Variants in FGD6 observed in about 807,000 individuals in gnomAD.
FGD6 encodes FYVE, RhoGEF and PH domain-containing protein 6.
A neutral mutation model predicts 149.4 loss-of-function variants in FGD6; 90 were observed. The ratio of observed to expected loss-of-function variants is 0.60; its 90% CI spans 0.51 to 0.72. The LOEUF is 0.72. Among genes scored for constraint, FGD6 ranks in the 30% least tolerant of loss-of-function variants. The pLI is 0.00. For missense variants in FGD6, 1,437 were observed against 1,684.8 expected (o/e 0.85, Z 2.57); for synonymous variants, 527 against 584.0 (o/e 0.90, Z 1.41).
chr12:95,106,322 G>A (rs181459479), intron 13 of FGD6, among the ~76,000 whole-genome samples: 3 of 150,018 alleles, frequency 2.0e-5, no homozygotes, highest in African/African-American at 7.4e-5. Flanking sequence ...TCCAGCTGGA[G>A]TGTAGTCGCG....
chr12:95,134,600 C>T, intron 8 of FGD6, 139 bp downstream of exon 8: 1 of 738,340 alleles, frequency 1.4e-6, no homozygotes, highest in South Asian at 1.5e-5. Context: ...AGTATATAAG[C>T]AATCTACAAA....
chr12:95,126,081 G>T, intron 8 of FGD6: 2 of 1,169,970 alleles, frequency 1.7e-6, no homozygotes, highest in South Asian at 2.4e-5. Flanking sequence ...GACAGATTCT[G>T]ATCATTTTAA....
At position 95,077,499 on chromosome 12, in the gene FGD6, G is replaced by GA. The variant is rs917735214; in HGVS notation, c.*4020dup. 12 of 152,304 alleles carry GA rather than the reference G, an allele frequency of 7.9e-5. No individual in the cohort carries two copies. Among genetic ancestry groups the GA allele is most frequent in the Non-Finnish European group, 1.8e-4 (12 of 68,106 alleles). The allele number at this position is 152,304 out of a possible 1,614,324, so 9.4% of individuals were successfully genotyped here. A position where few individuals can be genotyped will look rare whatever the true frequency, so the allele number is the denominator to read the frequency against. Reference sequence around the variant, plus strand: ...AGAAAGGTTGGGTAAGAGTTAGCTGGAATGTATGGCAACTGAGGACGTGTT... The same window carrying GA: ...AGAAAGGTTGGGTAAGAGTTAGCTGGAAATGTATGGCAACTGAGGACGTGTT... On this transcript the variant is annotated 3_prime_UTR_variant, in exon 21 of 21. Coordinates refer to ENST00000343958, the MANE Select transcript of FGD6 (RefSeq NM_018351.4).
In FGD6 at chr12:95,094,631, C is replaced by A. The variant is rs537326236; in HGVS notation, c.3561G>T (p.Lys1187Asn). 74 of 1,612,876 alleles carry A rather than the reference C, an allele frequency of 4.6e-5. No individual in the cohort carries two copies. In the East Asian group the frequency reaches 1.1e-3, roughly 24 times the overall value. The change falls in exon 15 of 21, where the codon AAG (lysine) becomes AAT (asparagine). Residue 1187 changes from lysine to asparagine, a missense_variant. Coordinates refer to ENST00000343958, the MANE Select transcript of FGD6 (RefSeq NM_018351.4). ...AISRAIEEYA[K>N]KRITFCPSRS... ...TACTAGGACAGAAGGTGATTCTTTT[C>A]TTGGCATACTCTTCTATTGCCCTGG...
At chr12:95,130,094 TA>T (rs1168437227) in intron 8 of FGD6, among the ~76,000 whole-genome samples, 2 of 152,212 alleles carry the variant, frequency 1.3e-5, no homozygotes, top group Non-Finnish European at 2.9e-5. Context: ...AATGTAGGTG[TA>T]AGTGTTTTAC....
In FGD6 at chr12:95,196,581, TAAAAC is replaced by T. The variant is rs1288980942; in HGVS notation, c.2441+12257_2441+12261del. Among the ~76,000 whole-genome samples the T allele has an allele frequency of 3.3e-5, 5 of 152,020 alleles. No individual in the cohort carries two copies. In the South Asian group the frequency reaches 8.3e-4, roughly 25 times the overall value. ...ACTATGACTATGGCATTTATTCACT[TAAAAC>T]AAGACAAACCAAGTTCAGTTCAGCA... On this transcript the variant is annotated intron_variant, in intron 2 of 20. Transcript: ENST00000343958.
intron 8 of FGD6, chr12:95,125,620 A>C: frequency 3.2e-6 from 1 of 316,782 alleles, no homozygotes; most frequent in Non-Finnish European, 6.1e-6. Context: ...TGGGAAACAG[A>C]GCAAGACCAT....
chr12:95,188,627 G>A (rs894494605), intron 2 of FGD6, among the ~76,000 whole-genome samples: 7 of 152,266 alleles, frequency 4.6e-5, no homozygotes, highest in Admixed American at 3.3e-4. Context: ...GGTGGATAAA[G>A]AGAAGAAAAG....
chr12:95,104,073 A>G (rs1399920721), intron 14 of FGD6, among the ~76,000 whole-genome samples: 1 of 152,232 alleles, frequency 6.6e-6, no homozygotes, highest in Non-Finnish European at 1.5e-5. Context: ...AAAAATGATC[A>G]GCAAAGCACT....
chr12:95,216,688 A>C (rs2056800365), intron 1 of FGD6, among the ~76,000 whole-genome samples: 1 of 151,500 alleles, frequency 6.6e-6, no homozygotes, highest in African/African-American at 2.4e-5. Flanking sequence ...AAAAAAAAAA[A>C]AAACCTCAAC....
chr12:95,185,322 C>A (rs1286582882), intron 2 of FGD6, among the ~76,000 whole-genome samples: 1 of 152,126 alleles, frequency 6.6e-6, no homozygotes, highest in Non-Finnish European at 1.5e-5. Flanking sequence ...AAGCGAGAGT[C>A]AGGGAAAATG....
At chr12:95,109,914 G>A (rs547390077) in intron 9 of FGD6, among the ~76,000 whole-genome samples, 8 of 152,092 alleles carry the variant, frequency 5.3e-5, no homozygotes, top group African/African-American at 1.9e-4. Flanking sequence ...TCTGAAAAGG[G>A]GTTGAGGTGT....
chr12:95,169,709 T>C lies in FGD6; in HGVS notation c.2586+2891A>G, dbSNP rs1011539868. ...AAGTATGGAAAGAAATGGGAAAAGA[T>C]TCACGCAAAACAAACAACTAGACCA... On this transcript the variant is annotated intron_variant, in intron 3 of 20. Transcript: ENST00000343958. 2.0e-5 allele frequency among the ~76,000 whole-genome samples: 3 copies of C among 152,160 alleles called. No individual in the cohort carries two copies. In the South Asian group the frequency reaches 6.2e-4, roughly 32 times the overall value.
chr12:95,214,887 G>A (rs1397419277), intron 1 of FGD6, among the ~76,000 whole-genome samples: 2 of 143,856 alleles, frequency 1.4e-5, no homozygotes, highest in East Asian at 4.0e-4. Flanking sequence ...TTTTGAGATG[G>A]AGTCTTGCTC....
intron 6 of FGD6, among the ~76,000 whole-genome samples, chr12:95,139,543 C>T (rs143765504): frequency 2.6e-5 from 4 of 151,734 alleles, no homozygotes; most frequent in African/African-American, 9.7e-5. Context: ...ACCATGTTGG[C>T]CAGGCTGGTC....
At chr12:95,154,300 A>C (rs1880402987) in intron 3 of FGD6, among the ~76,000 whole-genome samples, 1 of 152,074 alleles carries the variant, frequency 6.6e-6, no homozygotes, top group Admixed American at 6.6e-5. Flanking sequence ...ATAAAAACTA[A>C]ATGCCCTAGC....
intron 1 of FGD6, among the ~76,000 whole-genome samples, chr12:95,215,599 CTAGACACAGGAAGTGTCCCACTT>C (rs777086472): frequency 3.8e-4 from 58 of 152,318 alleles, no homozygotes; most frequent in Admixed American, 4.6e-4. Flanking sequence ...ACCAACTCGG[CTAGACACAGGAAGTGTCCCACTT>C]TAAACACCAC....
intron 3 of FGD6, among the ~76,000 whole-genome samples, chr12:95,153,945 G>GTT (rs1375549973): frequency 1.5e-5 from 2 of 136,510 alleles, no homozygotes; most frequent in African/African-American, 5.5e-5. Context: ...GTGTGTGTGT[G>GTT]TGAGTGAGAG....
rs148149725 is a variant in FGD6 at position 95,210,322 on chromosome 12, C to T, written c.962G>A (p.Arg321Gln). ...CTTTTGGCGTAACAGACGAGCAGTTCGTGTCTTTCTGGGCTTGGGAGTTGG... is the reference window on the plus strand; with the variant it reads ...CTTTTGGCGTAACAGACGAGCAGTTTGTGTCTTTCTGGGCTTGGGAGTTGG... ...KFPTPKPRKT[R>Q]TARLLRQKCV... is the part of the protein sequence containing the mutation. The change falls in exon 2 of 21, where the codon CGA becomes CAA. Residue 321 changes from arginine to glutamine, a missense_variant. Transcript: ENST00000343958. The T allele has an allele frequency of 2.4e-5, 38 of 1,613,920 alleles. No individual in the cohort carries two copies. In the East Asian group the frequency reaches 2.9e-4, roughly 12 times the overall value.
Sources: gnomAD v4.1 joint callset for allele counts (sites outside exome capture counted in the v4.1 genomes callset) on GRCh38, gnomAD v4.1.1 for gene constraint, MANE v1.5 for transcripts, NCBI Gene and HGNC (gene_info 2026-07-23, HGNC 2026-07-21) for gene names.